The following CRHBP variants were observed in gnomAD, a reference collection of about 807,000 sequenced individuals.
The protein encoded by CRHBP is corticotropin releasing hormone binding protein.
CRHBP carries 19 observed loss-of-function variants against 34.9 expected under a neutral mutation model. The ratio of observed to expected loss-of-function variants is 0.55; its 90% CI spans 0.38 to 0.80. The LOEUF (loss-of-function observed/expected upper bound fraction) is 0.80. Ranked by LOEUF, CRHBP falls within the 30% of genes least tolerant of loss-of-function variation. CRHBP has a pLI of 0.00. For missense variants in CRHBP, 328 were observed against 409.2 expected, an observed-to-expected ratio of 0.80 and a Z score of 1.71; for synonymous variants, 154 against 153.4, an observed-to-expected ratio of 1.00 and a Z score of -0.03.
downstream of CRHBP, among the ~76,000 whole-genome samples, chr5:76,974,296 C>T (rs1580099896): frequency 1.3e-5 from 2 of 151,988 alleles, no homozygotes; most frequent in African/African-American, 4.8e-5. Context: ...GGATTACAGG[C>T]GTGAGCCACG....
intron 6 of CRHBP, among the ~76,000 whole-genome samples, chr5:76,968,147 T>G (rs189540823): frequency 1.6e-4 from 25 of 151,874 alleles, no homozygotes; most frequent in Admixed American, 7.9e-4. Flanking sequence ...TCTTTTTGTT[T>G]ATGTATAAAA....
At chr5:76,958,979 C>A in intron 5 of CRHBP, 90 bp downstream of exon 5, 1 of 1,379,656 alleles carries the variant, frequency 7.2e-7, no homozygotes, top group Non-Finnish European at 9.9e-7. Flanking sequence ...TGGACACTAG[C>A]AAATTGGCGT....
chr5:76,975,819 AAAAAAAAT>A lies in CRHBP; in HGVS notation n.312-544_312-537del, dbSNP rs1418221722. On this transcript the variant is annotated intron_variant and non_coding_transcript_variant, in intron 2 of 3. Coordinates refer to the CRHBP transcript ENST00000514258. ...ACTCTGTCTCAAAAAAAAAAAAAAA[AAAAAAAAT>A]ATATATATATATATATATACACGCA... Among the ~76,000 whole-genome samples, 105 of 84,092 alleles carry A rather than the reference AAAAAAAAT, an allele frequency of 1.2e-3. 2 individuals are homozygous for A. Among genetic ancestry groups the A allele is most frequent in the African/African-American group, 7.5e-3 (99 of 13,142 alleles). The allele number at this position is 84,092 out of a possible 152,430, so 55.2% of individuals were successfully genotyped here.
At chr5:76,969,934 CTTTTTTTTTTTT>C (rs201228247), downstream of CRHBP, among the ~76,000 whole-genome samples, 172 of 61,630 alleles carry the variant, frequency 2.8e-3, no homozygotes, top group South Asian at 6.4e-3. Flanking sequence ...AAAGAAAATT[CTTTTTTTTTTTT>C]TTTTTTTTTT....
At position 76,953,677 on chromosome 5, in the gene CRHBP, C is replaced by T. The variant is rs757391504; in HGVS notation, c.158C>T (p.Pro53Leu). 40 of 1,609,326 alleles carry T rather than the reference C, an allele frequency of 2.5e-5. No homozygotes were observed. The highest frequency in any genetic ancestry group is 1.7e-4 in the Admixed American group (10 of 59,562). The change falls in exon 2 of 7, where the codon CCG becomes CTG. Residue 53 changes from proline to leucine, a missense_variant. By Grantham distance (98) the Pro-to-Leu change is moderately conservative. Coordinates refer to ENST00000274368, the MANE Select transcript of CRHBP (RefSeq NM_001882.4). ...NLKRELAGEQPYRRALRCLDM... is the reference protein window; with the variant it reads ...NLKRELAGEQLYRRALRCLDM... ...AAGCGGGAGCTGGCTGGGGAGCAGC[C>T]GTACCGCCGCGCTCTGCGTGAGTCG... is the stretch of plus-strand genomic sequence containing the variant.
At chr5:76,965,638 A>G (rs1050268698) in intron 6 of CRHBP, among the ~76,000 whole-genome samples, 58 of 152,236 alleles carry the variant, frequency 3.8e-4, no homozygotes, top group African/African-American at 1.3e-3. Context: ...ATTGAAGCCA[A>G]AGTCATTTTT....
intron 3 of CRHBP, among the ~76,000 whole-genome samples, chr5:76,976,775 C>T (rs1278499035): frequency 6.6e-6 from 1 of 152,132 alleles, no homozygotes; most frequent in African/African-American, 2.4e-5. Context: ...TTTTCTATTT[C>T]AAGGAAATAG....
Position 76,958,832 on chromosome 5 carries a change from T to C in CRHBP, c.636T>C (p.Pro212=), listed in dbSNP as rs1018988028. 1 of 1,614,120 alleles carries C rather than the reference T, an allele frequency of 6.2e-7. No homozygotes were observed. The highest frequency in any genetic ancestry group is 8.5e-7 in the Non-Finnish European group (1 of 1,179,992). ...HRNCSFSIIY[P]VVIKISDLTL... The stretch of plus-strand genomic sequence containing the variant: ...ACTGCAGCTTCTCCATAATTTATCC[T>C]GTGGTGATCAAAATATCTGATCTTA... The change falls in exon 5 of 7, where the codon CCT becomes CCC. Residue 212 remains proline (P), a synonymous_variant. Coordinates refer to ENST00000274368, the MANE Select transcript of CRHBP (RefSeq NM_001882.4).
downstream of CRHBP, among the ~76,000 whole-genome samples, chr5:76,973,005 C>T (rs1745970024): frequency 6.6e-6 from 1 of 152,154 alleles, no homozygotes; most frequent in Non-Finnish European, 1.5e-5. Context: ...GACTCCAAGG[C>T]CATACAGGAA....
chr5:76,958,921 A>T (rs374135210), intron 5 of CRHBP, 32 bp downstream of exon 5: 96 of 1,609,560 alleles, frequency 6.0e-5, no homozygotes, highest in Non-Finnish European at 7.8e-5. Context: ...TAACCGTTTG[A>T]TAAGGCCACA....
At chr5:76,979,810 C>T (rs1242614772) in intron 3 of CRHBP, among the ~76,000 whole-genome samples, 1 of 152,160 alleles carries the variant, frequency 6.6e-6, no homozygotes, top group Non-Finnish European at 1.5e-5. Context: ...TTATGATGGT[C>T]TGGAACCAAA....
At chr5:76,974,113 C>T (rs1474906179), downstream of CRHBP, among the ~76,000 whole-genome samples, 2 of 152,078 alleles carry the variant, frequency 1.3e-5, no homozygotes, top group African/African-American at 4.8e-5. Flanking sequence ...TTGCCTCAGC[C>T]TCCCAAGTAG....
intron 4 of CRHBP, 38 bp downstream of exon 4, chr5:76,955,901 A>C (rs764719562): frequency 6.3e-7 from 1 of 1,580,758 alleles, no homozygotes; most frequent in South Asian, 1.1e-5. Context: ...CTTCGGATAT[A>C]GACCCGCTTT....
At chr5:76,975,834 A>AT (rs1746021086) in intron 2 of CRHBP, among the ~76,000 whole-genome samples, 2 of 101,288 alleles carry the variant, frequency 2.0e-5, no homozygotes, top group African/African-American at 1.1e-4. Flanking sequence ...AAATATATAT[A>AT]TATATATATA....
intron 2 of CRHBP, 74 bp from the exon 3 acceptor site, chr5:76,953,955 G>A: frequency 1.3e-6 from 2 of 1,518,868 alleles, no homozygotes; most frequent in Non-Finnish European, 1.8e-6. Context: ...GGGGCGCGCG[G>A]AGAGCGGCCG....
intron 1 of CRHBP, 135 bp from the exon 2 acceptor site, chr5:76,953,466 T>C: frequency 9.7e-7 from 1 of 1,032,242 alleles, no homozygotes; most frequent in African/African-American, 1.6e-5. Context: ...CTTCCCGTCT[T>C]CTCCGGACAC....
intron 2 of CRHBP, 40 bp downstream of exon 2, chr5:76,953,734 G>T (rs774437040): frequency 1.9e-6 from 3 of 1,554,660 alleles, no homozygotes; most frequent in Admixed American, 1.9e-5. Flanking sequence ...CCCGGGACGC[G>T]GGGAAGGTGG....
Position 76,969,019 on chromosome 5 carries a change from A to C in CRHBP, c.*134A>C, listed in dbSNP as rs1305728636. Reference sequence around the variant, plus strand: ...CCCAGCCTTGAGCGCACGCGCGCACACACACACACACATACACACACGCAT... The same window carrying C: ...CCCAGCCTTGAGCGCACGCGCGCACCCACACACACACATACACACACGCAT... On this transcript the variant is annotated 3_prime_UTR_variant, in exon 7 of 7. Coordinates refer to ENST00000274368, the MANE Select transcript of CRHBP (RefSeq NM_001882.4). 2.3e-6 allele frequency: 2 copies of C among 869,502 alleles called. No homozygotes were observed. The highest frequency in any genetic ancestry group is 3.0e-5 in the Admixed American group (1 of 33,158). 53.9% of individuals were successfully genotyped at this position (869,502 alleles called of 1,614,324 possible).
chr5:76,963,384 G>A lies in CRHBP; in HGVS notation c.735G>A (p.Glu245=). 6.2e-7 allele frequency: 1 copy of A among 1,614,160 alleles called. No individual in the cohort carries two copies. Among genetic ancestry groups the A allele is most frequent in the Non-Finnish European group, 8.5e-7 (1 of 1,180,022 alleles). The part of the protein sequence containing the change: ...AGCEGIGDFV[E]LLGGTGLDPS... ...GCGAGGGAATAGGAGACTTTGTGGAGCTGCTGGGAGGAACTGGATTGGACC... is the reference window on the plus strand; with the variant it reads ...GCGAGGGAATAGGAGACTTTGTGGAACTGCTGGGAGGAACTGGATTGGACC... Residue 245 remains glutamate, a synonymous_variant, in exon 6 of 7, where the codon GAG becomes GAA. Transcript: ENST00000274368.
Sources: allele counts gnomAD v4.1 joint callset (sites outside exome capture counted in the v4.1 genomes callset), GRCh38; gene constraint gnomAD v4.1.1; transcripts MANE v1.5; gene names NCBI Gene and HGNC (gene_info 2026-07-23, HGNC 2026-07-21).